The following SPATA17 variants were observed in gnomAD, a reference collection of about 807,000 sequenced individuals.
SPATA17 encodes spermatogenesis associated 17.
In SPATA17, 53 loss-of-function variants were observed where a neutral mutation model predicts 62.2. That is an observed-to-expected ratio of 0.85 (90% CI 0.68 to 1.07). The LOEUF (loss-of-function observed/expected upper bound fraction) is 1.07. Ranked by LOEUF, SPATA17 falls within the 50% of genes least tolerant of loss-of-function variation. SPATA17 has a pLI of 0.00. For synonymous variants in SPATA17, 146 were observed against 146.8 expected (o/e 0.99, Z 0.04); for missense variants, 466 against 425.5 (o/e 1.10, Z -0.84).
chr1:217,819,096 T>A (rs1256850278), intron 9 of SPATA17, among the ~76,000 whole-genome samples: 1 of 151,888 alleles, frequency 6.6e-6, no homozygotes, highest in African/African-American at 2.4e-5. Flanking sequence ...AATTTTTGTT[T>A]GAGAATATTT....
At chr1:217,748,450 T>G (rs1672820129) in intron 6 of SPATA17, among the ~76,000 whole-genome samples, 1 of 150,802 alleles carries the variant, frequency 6.6e-6, no homozygotes, top group Admixed American at 6.6e-5. Context: ...ATATTTAAAT[T>G]AGGAAAATTT....
intron 7 of SPATA17, among the ~76,000 whole-genome samples, chr1:217,781,579 G>T (rs1673727894): frequency 6.6e-6 from 1 of 152,114 alleles, no homozygotes; most frequent in African/African-American, 2.4e-5. Flanking sequence ...TCATCAAAAG[G>T]TTGCTATTGG....
chr1:217,658,098 A>G (rs1670481857), intron 3 of SPATA17, among the ~76,000 whole-genome samples: 1 of 152,148 alleles, frequency 6.6e-6, no homozygotes, highest in South Asian at 2.1e-4. Context: ...GATTATTACA[A>G]TTCAACATGA....
intron 3 of SPATA17, among the ~76,000 whole-genome samples, chr1:217,667,135 C>A (rs1256784413): frequency 3.3e-5 from 5 of 150,322 alleles, no homozygotes; most frequent in Non-Finnish European, 7.4e-5. Flanking sequence ...GCAACCTCCG[C>A]CTCCCAGGTT....
intron 1 of SPATA17, among the ~76,000 whole-genome samples, chr1:217,637,977 T>G (rs981226049): frequency 6.6e-6 from 1 of 152,140 alleles, no homozygotes; most frequent in Non-Finnish European, 1.5e-5. Flanking sequence ...CCTATTGATA[T>G]GTTAACTAAG....
At chr1:217,784,279 C>G (rs1431167254) in intron 8 of SPATA17, among the ~76,000 whole-genome samples, 1 of 152,078 alleles carries the variant, frequency 6.6e-6, no homozygotes, top group African/African-American at 2.4e-5. Context: ...TACCACAAAA[C>G]CAACTTTACC....
In SPATA17 at chr1:217,763,474, C is replaced by G. The variant is rs1673220915; in HGVS notation, c.520-10860C>G. ...ATTGAAGAAATGGAAAAAAATGTGG[C>G]TGCTGTGTAGTGAGGGATGAGAGTG... On this transcript the variant is annotated intron_variant, in intron 6 of 10. Transcript: ENST00000366933. Among the ~76,000 whole-genome samples, 3 of 151,872 alleles carry G rather than the reference C, an allele frequency of 2.0e-5. No homozygotes were observed. The South Asian group carries it at 6.2e-4, about 32-fold the overall frequency.
chr1:217,667,693 A>T (rs1670730239), intron 3 of SPATA17, among the ~76,000 whole-genome samples: 1 of 152,050 alleles, frequency 6.6e-6, no homozygotes, highest in Non-Finnish European at 1.5e-5. Context: ...CTGAACCCAA[A>T]CTCTTGGAAA....
rs1673752957 is a variant in SPATA17 at position 217,782,434 on chromosome 1, G to A, written c.872+112G>A. On this transcript the variant is annotated intron_variant, in intron 8 of 10. Transcript: ENST00000366933. ...TCTTTTATTTGTGAGAAAAGGTAAAGCCACCCCTGACCTGTTCCAAAGCAA... is the reference window on the plus strand; with the variant it reads ...TCTTTTATTTGTGAGAAAAGGTAAAACCACCCCTGACCTGTTCCAAAGCAA... 2.4e-6 allele frequency: 3 copies of A among 1,237,262 alleles called. No homozygotes were observed. In the East Asian group the frequency reaches 8.0e-5, roughly 33 times the overall value. The allele number at this position is 1,237,262 out of a possible 1,614,324, so 76.6% of individuals were successfully genotyped here. A position where few individuals can be genotyped will look rare whatever the true frequency, so the allele number is the denominator to read the frequency against.
intron 3 of SPATA17, among the ~76,000 whole-genome samples, chr1:217,668,533 G>T (rs974190233): frequency 1.3e-5 from 2 of 152,106 alleles, no homozygotes; most frequent in African/African-American, 2.4e-5. Flanking sequence ...ATTTTGCATA[G>T]ATGGTTGGAA....
chr1:217,645,931 A>G (rs12752588), intron 1 of SPATA17, among the ~76,000 whole-genome samples: 1 of 152,134 alleles, frequency 6.6e-6, no homozygotes, highest in East Asian at 1.9e-4. Flanking sequence ...ATTAACTTCT[A>G]TGACACTGCA....
intron 4 of SPATA17, among the ~76,000 whole-genome samples, chr1:217,679,065 G>A (rs574168761): frequency 1.3e-4 from 19 of 151,992 alleles, no homozygotes; most frequent in African/African-American, 3.4e-4. Flanking sequence ...AATTTAAGAC[G>A]TCATTTGTTT....
intron 1 of SPATA17, among the ~76,000 whole-genome samples, chr1:217,634,198 G>A (rs577988270): frequency 6.6e-6 from 1 of 152,314 alleles, no homozygotes; most frequent in South Asian, 2.1e-4. Flanking sequence ...TGCCTAGACA[G>A]AGCCAATTTA....
intron 6 of SPATA17, among the ~76,000 whole-genome samples, chr1:217,749,967 CTCTCTCTCTCTCTCTCTCTATATATATA>C (rs1672860303): frequency 2.1e-5 from 1 of 47,250 alleles, no homozygotes; most frequent in South Asian, 5.9e-4. Context: ...CTCTCTCTCT[CTCTCTCTCTCTCTCTCTCTATATATATA>C]TATATATATA....
chr1:217,763,835 C>T (rs1393252389), intron 6 of SPATA17, among the ~76,000 whole-genome samples: 1 of 152,124 alleles, frequency 6.6e-6, no homozygotes, highest in Non-Finnish European at 1.5e-5. Context: ...AATCAGTAGT[C>T]ATCATGGATG....
At chr1:217,643,581 C>T (rs1252321234) in intron 1 of SPATA17, among the ~76,000 whole-genome samples, 1 of 152,100 alleles carries the variant, frequency 6.6e-6, no homozygotes, top group East Asian at 1.9e-4. Flanking sequence ...ACTGTGACTT[C>T]CTCCTCCCAC....
chr1:217,795,611 C>G (rs1377751019), intron 8 of SPATA17, among the ~76,000 whole-genome samples: 1 of 151,872 alleles, frequency 6.6e-6, no homozygotes, highest in Non-Finnish European at 1.5e-5. Flanking sequence ...CTTAGGTGAT[C>G]CACCCACCTC....
chr1:217,728,470 C>G (rs547072415), intron 5 of SPATA17, among the ~76,000 whole-genome samples: 2 of 152,078 alleles, frequency 1.3e-5, no homozygotes, highest in Non-Finnish European at 2.9e-5. Flanking sequence ...GCTATTTCAT[C>G]GTTGATTGTT....
At chr1:217,655,847 A>G (rs1454670691) in intron 3 of SPATA17, among the ~76,000 whole-genome samples, 3 of 152,166 alleles carry the variant, frequency 2.0e-5, no homozygotes, top group Non-Finnish European at 2.9e-5. Flanking sequence ...CAGGACGACC[A>G]AGAAATTAAG....
Sources: allele counts gnomAD v4.1 joint callset (sites outside exome capture counted in the v4.1 genomes callset), GRCh38; gene constraint gnomAD v4.1.1; transcripts MANE v1.5; gene names NCBI Gene and HGNC (gene_info 2026-07-23, HGNC 2026-07-21).